The following PCDHGA5 variants were observed in gnomAD, a reference collection of about 807,000 sequenced individuals.
The protein encoded by PCDHGA5 is protocadherin gamma-A5.
Under a neutral mutation model 56.7 loss-of-function variants are expected in PCDHGA5, and 36 were observed. The ratio of observed to expected loss-of-function variants is 0.64; its 90% CI spans 0.49 to 0.84. The LOEUF is 0.84. Ranked by LOEUF, PCDHGA5 falls within the 40% of genes least tolerant of loss-of-function variation. The pLI, the probability that PCDHGA5 is intolerant of heterozygous loss-of-function variation, is 0.00. For missense variants in PCDHGA5, 1,305 were observed against 1,201.5 expected (o/e 1.09, Z -1.27); for synonymous variants, 563 against 520.2 (o/e 1.08, Z -1.12).
intron 1 of PCDHGA5, chr5:141,409,182 T>C: frequency 6.2e-7 from 1 of 1,614,006 alleles, no homozygotes; most frequent in East Asian, 2.2e-5. Context: ...GGAGGTGGTC[T>C]CTCTACCCAG....
At chr5:141,460,795 G>A (rs1007673184) in intron 1 of PCDHGA5, among the ~76,000 whole-genome samples, 3 of 151,492 alleles carry the variant, frequency 2.0e-5, no homozygotes, top group African/African-American at 4.9e-5. Flanking sequence ...TACACACAAA[G>A]TATATATATG....
At position 141,478,334 on chromosome 5, in the gene PCDHGA5, C is replaced by T. The variant is rs1303200872; in HGVS notation, c.2422-16473C>T. 2.5e-6 allele frequency: 4 copies of T among 1,613,944 alleles called. No individual in the cohort carries two copies. The highest frequency in any genetic ancestry group is 3.4e-6 in the Non-Finnish European group (4 of 1,180,016). ...GAGCTCACTGTACCGAACACCAGGG[C>T]CCTCCTTGCACGCGGACGCCGTGCG... On this transcript the variant is annotated intron_variant, in intron 1 of 3. Coordinates refer to ENST00000518069, the MANE Select transcript of PCDHGA5 (RefSeq NM_018918.3).
intron 1 of PCDHGA5, among the ~76,000 whole-genome samples, chr5:141,461,985 G>C (rs894777268): frequency 2.6e-5 from 4 of 152,170 alleles, no homozygotes; most frequent in Non-Finnish European, 5.9e-5. Flanking sequence ...CACCACGCCA[G>C]GCTAATTTTG....
intron 1 of PCDHGA5, chr5:141,410,849 CTT>C (rs759346998): frequency 0.032 from 4,298 of 136,266 alleles, no homozygotes; most frequent in South Asian, 0.069. Flanking sequence ...TTGTCTTTGT[CTT>C]TTTTTTTTTT....
intron 1 of PCDHGA5, chr5:141,374,535 G>A (rs752542327): frequency 1.9e-6 from 3 of 1,613,092 alleles, no homozygotes; most frequent in South Asian, 2.2e-5. Flanking sequence ...CCATCCTCTC[G>A]TTTTCCACTA....
At chr5:141,505,336 G>T in intron 2 of PCDHGA5, 57 bp from the exon 3 acceptor site, 2 of 1,611,372 alleles carry the variant, frequency 1.2e-6, no homozygotes, top group Non-Finnish European at 1.7e-6. Context: ...GAGGACAGGA[G>T]GGGCATGAGC....
chr5:141,394,652 G>T (rs1589237070), intron 1 of PCDHGA5: 1 of 1,613,422 alleles, frequency 6.2e-7, no homozygotes, highest in Non-Finnish European at 8.5e-7. Flanking sequence ...AGGCCAGCGA[G>T]CCGGGACTCT....
intron 1 of PCDHGA5, chr5:141,404,653 C>A (rs754039673): frequency 2.4e-5 from 39 of 1,614,206 alleles, no homozygotes; most frequent in Non-Finnish European, 3.1e-5. Flanking sequence ...ACCCTGCCCT[C>A]CCCACTGATG....
chr5:141,481,509 T>C (rs2154578624), intron 1 of PCDHGA5, among the ~76,000 whole-genome samples: 2 of 152,326 alleles, frequency 1.3e-5, no homozygotes, highest in Middle Eastern at 3.4e-3. Context: ...GTATGTGAAT[T>C]ATGTCTCAGT....
chr5:141,491,143 C>A lies in PCDHGA5; in HGVS notation c.2422-3664C>A. 1.2e-6 allele frequency: 2 copies of A among 1,614,142 alleles called. No homozygotes were observed. Among genetic ancestry groups the A allele is most frequent in the South Asian group, 1.1e-5 (1 of 91,082 alleles). On this transcript the variant is annotated intron_variant, in intron 1 of 3. Transcript: ENST00000518069. This position sits in a 1 kb window ranked among gnomAD's most constrained non-coding sequence, Gnocchi z 6.9. ...TGAGGTGCGCACAGCCCGGGCCTTA[C>A]TGGAGGATGACTCTGACACCCAGCA... is the stretch of plus-strand genomic sequence containing the variant.
rs2099748976 is a variant in PCDHGA5, at chr5:141,493,566, C to G, written c.2422-1241C>G. Among the ~76,000 whole-genome samples, 1 of 152,168 alleles carries G rather than the reference C, an allele frequency of 6.6e-6. No individual in the cohort carries two copies. Among genetic ancestry groups the G allele is most frequent in the African/African-American group, 2.4e-5 (1 of 41,436 alleles). ...TTTTGGAGATTGAGTTCCCCCAGCT[C>G]CGTTTCCTCCTATCACAATCACTGC... is the stretch of plus-strand genomic sequence containing the variant. On this transcript the variant is annotated intron_variant, in intron 1 of 3. Transcript: ENST00000518069. The surrounding 1 kb of genome is among the most constrained non-coding windows in gnomAD (Gnocchi z 4.3).
rs1246198657 is a variant in PCDHGA5 at position 141,505,401 on chromosome 5, A to T, written c.2489A>T (p.Asn830Ile). The change falls in exon 3 of 4, where the codon AAT (asparagine) becomes ATT (isoleucine). Residue 830 changes from asparagine (N) to isoleucine (I), a missense_variant. By Grantham distance (149) the Asn-to-Ile change is moderately radical (BLOSUM62 -3). Transcript: ENST00000518069. Reference protein sequence around the residue: ...AQRPGTSGSQNGDDTGTWPNN... With the variant: ...AQRPGTSGSQIGDDTGTWPNN... ...TCCTACTCTCTCCCCAGCTCCCAAA[A>T]TGGCGATGACACCGGCACCTGGCCC... is the stretch of plus-strand genomic sequence containing the variant. The T allele has an allele frequency of 6.2e-7, 1 of 1,614,058 alleles. No individual in the cohort carries two copies. Among genetic ancestry groups the T allele is most frequent in the African/African-American group, 1.3e-5 (1 of 74,922 alleles).
chr5:141,422,115 T>C, intron 1 of PCDHGA5: 1 of 1,605,004 alleles, frequency 6.2e-7, no homozygotes, highest in South Asian at 1.1e-5. Context: ...TCCAATTGGA[T>C]TCACAAACTG....
intron 1 of PCDHGA5, chr5:141,403,465 G>C (rs1268345736): frequency 6.2e-7 from 1 of 1,614,018 alleles, no homozygotes; most frequent in Non-Finnish European, 8.5e-7. Context: ...AGAGCTACCA[G>C]CTCAGCCCCA....
intron 1 of PCDHGA5, chr5:141,413,182 G>A (rs752788034): frequency 6.2e-7 from 1 of 1,604,164 alleles, no homozygotes; most frequent in Non-Finnish European, 8.5e-7. Context: ...TACAATGGCC[G>A]CTCAAAGGAA....
intron 1 of PCDHGA5, chr5:141,422,667 G>A (rs1283968031): frequency 1.9e-6 from 3 of 1,607,536 alleles, no homozygotes; most frequent in South Asian, 1.1e-5. Context: ...CCCTCGACCC[G>A]GACAGCAAAC....
chr5:141,433,587 G>A (rs1228017153), intron 1 of PCDHGA5, among the ~76,000 whole-genome samples: 1 of 152,068 alleles, frequency 6.6e-6, no homozygotes, highest in African/African-American at 2.4e-5. Flanking sequence ...TGTAATCCCA[G>A]TACTTTGGGA....
rs148589854 is a variant in PCDHGA5, at chr5:141,393,112, C to T, written c.2421+26361C>T. ...CGGGAGGAGCTCTGCGCTCAGAGCC[C>T]GCGGTGTCTGATAAATATTAACACC... On this transcript the variant is annotated intron_variant, in intron 1 of 3. Transcript: ENST00000518069. 5.0e-3 allele frequency: 7,989 copies of T among 1,613,452 alleles called. 48 individuals carry two copies. The highest frequency in any genetic ancestry group is 9.4e-3 in the Admixed American group (566 of 60,028).
At chr5:141,404,481 A>T in intron 1 of PCDHGA5, 1 of 1,613,836 alleles carries the variant, frequency 6.2e-7, no homozygotes, top group Non-Finnish European at 8.5e-7. Context: ...ATTAACTCAG[A>T]CACTGGTGTG....
Sources: gnomAD v4.1 joint callset for allele counts (sites outside exome capture counted in the v4.1 genomes callset) on GRCh38, gnomAD v4.1.1 for gene constraint, Gnocchi (gnomAD v3.1) non-coding constraint, MANE v1.5 for transcripts, NCBI Gene and HGNC (gene_info 2026-07-23, HGNC 2026-07-21) for gene names.